GPC5: variants seen among roughly 807,000 people sequenced by gnomAD.
GPC5 encodes the protein glypican-5.
In GPC5, 47 loss-of-function variants were observed where a neutral mutation model predicts 53.9. The observed-to-expected ratio is 0.87, with a 90% CI of 0.69 to 1.11. The LOEUF (loss-of-function observed/expected upper bound fraction) is 1.11. GPC5 is among the 50% of genes most tolerant of loss of function. GPC5 has a pLI of 0.00. For synonymous variants in GPC5, 286 were observed against 263.3 expected, an observed-to-expected ratio of 1.09 and a Z score of -0.84; for missense variants, 748 against 713.1, an observed-to-expected ratio of 1.05 and a Z score of -0.56.
At chr13:92,306,941 A>G (rs1263312130) in intron 7 of GPC5, among the ~76,000 whole-genome samples, 4 of 152,366 alleles carry the variant, frequency 2.6e-5, no homozygotes, top group Middle Eastern at 3.4e-3. Flanking sequence ...TCAGGATTTT[A>G]CATAAGATTT....
At chr13:92,328,078 A>T (rs2043264264) in intron 7 of GPC5, among the ~76,000 whole-genome samples, 1 of 152,186 alleles carries the variant, frequency 6.6e-6, no homozygotes, top group Non-Finnish European at 1.5e-5. Context: ...TGGCACTGTG[A>T]TGATTCATGG....
intron 1 of GPC5, among the ~76,000 whole-genome samples, chr13:91,426,454 A>G (rs1879056125): frequency 6.6e-6 from 1 of 152,200 alleles, no homozygotes; most frequent in African/African-American, 2.4e-5. Flanking sequence ...GACTCACACA[A>G]TCACAAGGTG....
intron 2 of GPC5, among the ~76,000 whole-genome samples, chr13:91,571,766 T>TATATACACACATATAC (rs1462627933): frequency 1.4e-5 from 2 of 146,374 alleles, no homozygotes; most frequent in African/African-American, 2.5e-5. Context: ...TACATGTGTA[T>TATATACACACATATAC]GTGTATATAC....
In GPC5 at chr13:92,359,858, G is replaced by C. The variant is rs578197181; in HGVS notation, c.1561+214869G>C. 2.0e-5 allele frequency among the ~76,000 whole-genome samples: 3 copies of C among 151,596 alleles called. No individual in the cohort carries two copies. The Middle Eastern group carries it at 0.01, about 516-fold the overall frequency. On this transcript the variant is annotated intron_variant, in intron 7 of 7. Transcript: ENST00000377067. ...CACCAGGACCCTCCTCCAAAACTTG[G>C]GATTAAAATTTGACATGAGATTGGG...
intron 6 of GPC5, among the ~76,000 whole-genome samples, chr13:91,969,821 C>T (rs1566369878): frequency 6.6e-6 from 1 of 151,978 alleles, no homozygotes; most frequent in East Asian, 1.9e-4. Context: ...TATATATCGC[C>T]ACATTGGTTG....
chr13:92,118,923 GA>G (rs2041622428), intron 6 of GPC5, among the ~76,000 whole-genome samples: 1 of 152,156 alleles, frequency 6.6e-6, no homozygotes, highest in Non-Finnish European at 1.5e-5. Flanking sequence ...AAAAGTAGAA[GA>G]AAAGGTTTTA....
At chr13:91,892,484 A>G (rs999278130) in intron 5 of GPC5, among the ~76,000 whole-genome samples, 4 of 151,682 alleles carry the variant, frequency 2.6e-5, no homozygotes, top group African/African-American at 7.2e-5. Context: ...TTCATTAAAA[A>G]CATTTCATTT....
chr13:92,121,857 G>T (rs1429490031), intron 6 of GPC5, among the ~76,000 whole-genome samples: 1 of 152,170 alleles, frequency 6.6e-6, no homozygotes, highest in African/African-American at 2.4e-5. Context: ...TTGCTGAAAT[G>T]TGAGGAAAGT....
chr13:92,759,757 G>C (rs1051720865), intron 7 of GPC5, among the ~76,000 whole-genome samples: 1 of 151,958 alleles, frequency 6.6e-6, no homozygotes, highest in African/African-American at 2.4e-5. Flanking sequence ...ATGGTGAATA[G>C]AAGTGGTGAA....
chr13:92,409,233 T>C (rs1235253438), intron 7 of GPC5, among the ~76,000 whole-genome samples: 2 of 151,876 alleles, frequency 1.3e-5, no homozygotes, highest in African/African-American at 4.8e-5. Flanking sequence ...CAGAAGGCAA[T>C]ATTGACAGAT....
chr13:91,624,442 G>A (rs1172420414), intron 2 of GPC5, among the ~76,000 whole-genome samples: 4 of 152,064 alleles, frequency 2.6e-5, no homozygotes, highest in Non-Finnish European at 4.4e-5. Context: ...CAACTTGATA[G>A]AAAATATAGT....
chr13:91,997,506 C>T (rs1473014095), intron 6 of GPC5, among the ~76,000 whole-genome samples: 1 of 151,670 alleles, frequency 6.6e-6, no homozygotes, highest in African/African-American at 2.4e-5. Flanking sequence ...CCATTACACT[C>T]TCCTCTTGGT....
At chr13:92,559,328 ATATG>A (rs1029157579) in intron 7 of GPC5, among the ~76,000 whole-genome samples, 8 of 103,120 alleles carry the variant, frequency 7.8e-5, no homozygotes, top group African/African-American at 2.9e-4. Context: ...TGTAGTGTGT[ATATG>A]TGTGTGTGTG....
rs2040462029 is a variant in GPC5 at position 91,992,081 on chromosome 13, A to C, written c.1401+84024A>C. On this transcript the variant is annotated intron_variant, in intron 6 of 7. Coordinates refer to ENST00000377067, the MANE Select transcript of GPC5 (RefSeq NM_004466.6). Reference sequence around the variant, plus strand: ...GAGACAGGGCCTTGTTCCATTGCTCAGGCTGGTGTGTGTAGTAGTGGTCAT... The same window carrying C: ...GAGACAGGGCCTTGTTCCATTGCTCCGGCTGGTGTGTGTAGTAGTGGTCAT... 2.6e-5 allele frequency among the ~76,000 whole-genome samples: 4 copies of C among 152,198 alleles called. No homozygotes were observed. The South Asian group carries it at 8.3e-4, about 32-fold the overall frequency.
intron 1 of GPC5, among the ~76,000 whole-genome samples, chr13:91,413,145 G>A (rs1266746095): frequency 6.6e-6 from 1 of 152,284 alleles, no homozygotes; most frequent in Admixed American, 6.5e-5. Context: ...ACCAGGTGTA[G>A]TGTTGTACAC....
At chr13:92,129,381 G>A (rs1417266702) in intron 6 of GPC5, among the ~76,000 whole-genome samples, 2 of 152,156 alleles carry the variant, frequency 1.3e-5, no homozygotes, top group Non-Finnish European at 1.5e-5. Context: ...TCTCATTAGA[G>A]AAAAGTGGGA....
At chr13:92,835,006 G>C (rs1282269312) in intron 7 of GPC5, among the ~76,000 whole-genome samples, 1 of 151,958 alleles carries the variant, frequency 6.6e-6, no homozygotes, top group East Asian at 1.9e-4. Context: ...CTTCTCTCTC[G>C]AGCTTGGTTT....
At chr13:91,905,968 A>G (rs1308818280) in intron 5 of GPC5, among the ~76,000 whole-genome samples, 1 of 152,018 alleles carries the variant, frequency 6.6e-6, no homozygotes, top group East Asian at 1.9e-4. Flanking sequence ...GAAGTCTGAG[A>G]TTTTATTGCA....
At chr13:92,709,184 T>A (rs1424036934) in intron 7 of GPC5, among the ~76,000 whole-genome samples, 4 of 151,820 alleles carry the variant, frequency 2.6e-5, no homozygotes, top group Non-Finnish European at 5.9e-5. Flanking sequence ...GTAGCTGGGA[T>A]TATAGGTGTG....
Sources: gnomAD v4.1 joint callset for allele counts (sites outside exome capture counted in the v4.1 genomes callset) on GRCh38, gnomAD v4.1.1 for gene constraint, MANE v1.5 for transcripts, NCBI Gene and HGNC (gene_info 2026-07-23, HGNC 2026-07-21) for gene names.